Variants in EYS observed in about 807,000 individuals in gnomAD.
EYS encodes the protein EGF-like photoreceptor maintenance factor, also known as protein eyes shut homolog.
EYS carries 250 observed loss-of-function variants against 282.1 expected under a neutral mutation model. That is an observed-to-expected ratio of 0.89 (90% CI 0.80 to 0.98). EYS has a LOEUF of 0.98. Among genes scored for constraint, EYS ranks in the 50% least tolerant of loss-of-function variants. The pLI is 0.00. For missense variants in EYS, 4,016 were observed against 3,709.0 expected, an observed-to-expected ratio of 1.08 and a Z score of -2.15; for synonymous variants, 1,355 against 1,282.9, an observed-to-expected ratio of 1.06 and a Z score of -1.20.
intron 8 of EYS, among the ~76,000 whole-genome samples, chr6:65,356,278 GT>G (rs1322105682): frequency 6.6e-6 from 1 of 152,000 alleles, no homozygotes. Context: ...GTCTGCAATT[GT>G]TTTTGTTCTT....
At chr6:65,350,544 TAAC>T (rs1344649342) in intron 9 of EYS, among the ~76,000 whole-genome samples, 8 of 151,674 alleles carry the variant, frequency 5.3e-5, no homozygotes, top group African/African-American at 1.9e-4. Flanking sequence ...CAAACTGAAA[TAAC>T]GACATGCTTC....
chr6:65,142,515 C>CACACACAT (rs1764372653), intron 12 of EYS, among the ~76,000 whole-genome samples: 1 of 150,890 alleles, frequency 6.6e-6, no homozygotes, highest in Non-Finnish European at 1.5e-5. Flanking sequence ...CACACACACA[C>CACACACAT]ACACAGAGTT....
chr6:65,336,952 A>G (rs1770011352), intron 10 of EYS, among the ~76,000 whole-genome samples: 1 of 151,458 alleles, frequency 6.6e-6, no homozygotes, highest in Non-Finnish European at 1.5e-5. Flanking sequence ...AATTCAAATG[A>G]CAATAGAATT....
chr6:65,530,057 T>C (rs946036515), intron 2 of EYS, among the ~76,000 whole-genome samples: 4 of 151,926 alleles, frequency 2.6e-5, no homozygotes, highest in Middle Eastern at 3.4e-3. Flanking sequence ...TTTATTGTTA[T>C]TGTTTTTGTC....
At chr6:65,503,299 C>T (rs904059883) in intron 2 of EYS, among the ~76,000 whole-genome samples, 4 of 151,588 alleles carry the variant, frequency 2.6e-5, no homozygotes, top group Admixed American at 2.0e-4. Flanking sequence ...ATCTTATGCA[C>T]GTTTAATTAG....
chr6:65,254,352 C>T (rs1412525088), intron 12 of EYS, among the ~76,000 whole-genome samples: 1 of 151,782 alleles, frequency 6.6e-6, no homozygotes, highest in Non-Finnish European at 1.5e-5. Flanking sequence ...GACTCTATTT[C>T]ATTTTGAATA....
chr6:65,479,033 G>A (rs1765507246), intron 5 of EYS, among the ~76,000 whole-genome samples: 1 of 150,424 alleles, frequency 6.6e-6, no homozygotes, highest in African/African-American at 2.4e-5. Flanking sequence ...ACAAATGGTT[G>A]AACTAAAATG....
At chr6:64,431,586 C>A (rs1394960420) in intron 28 of EYS, among the ~76,000 whole-genome samples, 1 of 152,044 alleles carries the variant, frequency 6.6e-6, no homozygotes, top group Admixed American at 6.6e-5. Flanking sequence ...GGTTAGCCTA[C>A]CCTATTAAGG....
intron 15 of EYS, among the ~76,000 whole-genome samples, chr6:64,927,209 C>A (rs1768546365): frequency 6.6e-6 from 1 of 152,096 alleles, no homozygotes; most frequent in South Asian, 2.1e-4. Context: ...CTAGGAGAAA[C>A]ACATAAAATG....
chr6:64,320,743 T>C (rs1455825683), intron 29 of EYS, among the ~76,000 whole-genome samples: 1 of 151,828 alleles, frequency 6.6e-6, no homozygotes, highest in Admixed American at 6.6e-5. Context: ...TATTTAATCA[T>C]GTTTATTGAA....
At chr6:64,690,503 A>G (rs1239763492) in intron 22 of EYS, among the ~76,000 whole-genome samples, 1 of 152,204 alleles carries the variant, frequency 6.6e-6, no homozygotes, top group East Asian at 1.9e-4. Context: ...ATTATAAATC[A>G]TGCCACTATA....
intron 15 of EYS, among the ~76,000 whole-genome samples, chr6:64,917,524 A>G (rs1768204019): frequency 6.6e-6 from 1 of 152,186 alleles, no homozygotes; most frequent in African/African-American, 2.4e-5. Flanking sequence ...AGCAAACAGT[A>G]AAATGTTGTT....
chr6:64,441,143 A>T (rs1209902063), intron 26 of EYS, among the ~76,000 whole-genome samples: 1 of 152,226 alleles, frequency 6.6e-6, no homozygotes, highest in Admixed American at 6.5e-5. Flanking sequence ...AAGGGACAAG[A>T]CTACGTTGAA....
intron 33 of EYS, among the ~76,000 whole-genome samples, chr6:64,024,484 G>A (rs952556373): frequency 3.3e-5 from 5 of 152,122 alleles, no homozygotes; most frequent in Non-Finnish European, 5.9e-5. Context: ...GGATGTGGGT[G>A]GGGCCAGATA....
chr6:63,752,693 C>T (rs1205553829), intron 41 of EYS, among the ~76,000 whole-genome samples: 2 of 151,886 alleles, frequency 1.3e-5, no homozygotes, highest in African/African-American at 4.8e-5. Flanking sequence ...GACGGGGTTT[C>T]ACCGTGTTAC....
At chr6:64,675,178 C>G (rs1313962496) in intron 22 of EYS, among the ~76,000 whole-genome samples, 2 of 152,124 alleles carry the variant, frequency 1.3e-5, no homozygotes, top group East Asian at 3.9e-4. Context: ...AGTCAGATTC[C>G]AAGTCATGTA....
intron 22 of EYS, among the ~76,000 whole-genome samples, chr6:64,670,929 A>C (rs1444911532): frequency 6.6e-6 from 1 of 151,752 alleles, no homozygotes; most frequent in East Asian, 1.9e-4. Flanking sequence ...ATGATAAGTA[A>C]AAGTGGAGTC....
chr6:64,902,196 A>G lies in EYS; in HGVS notation c.2763T>C (p.Ser921=). ...NFRCICRPGF[S]GSLCEIEINE... is the part of the protein sequence containing the mutation. Reference sequence around the variant, plus strand: ...TAATTTCAATTTCACACAGAGATCCAGAAAACCCAGGTCTGCAAATACACC... The same window carrying G: ...TAATTTCAATTTCACACAGAGATCCGGAAAACCCAGGTCTGCAAATACACC... Residue 921 remains serine (S), a synonymous_variant, in exon 18 of 43, where the codon TCT becomes TCC. Transcript: ENST00000503581. 1.9e-6 allele frequency: 3 copies of G among 1,550,766 alleles called. No homozygotes were observed. The highest frequency in any genetic ancestry group is 1.2e-5 in the South Asian group (1 of 83,954).
intron 2 of EYS, among the ~76,000 whole-genome samples, chr6:65,618,984 T>C (rs1430066443): frequency 7.2e-5 from 11 of 152,270 alleles, no homozygotes; most frequent in East Asian, 3.9e-4. Flanking sequence ...AGTCAGGTAG[T>C]GTGATGCCTC....
Sources: gnomAD v4.1 joint callset for allele counts (sites outside exome capture counted in the v4.1 genomes callset) on GRCh38, gnomAD v4.1.1 for gene constraint, MANE v1.5 for transcripts, NCBI Gene and HGNC (gene_info 2026-07-23, HGNC 2026-07-21) for gene names.